The following ZBTB46 variants were observed in gnomAD, a reference collection of about 807,000 sequenced individuals.
ZBTB46 encodes zinc finger and BTB domain-containing protein 46.
ZBTB46 carries 8 observed loss-of-function variants against 44.1 expected under a neutral mutation model. The ratio of observed to expected loss-of-function variants is 0.18; its 90% CI spans 0.11 to 0.33. ZBTB46 has a LOEUF of 0.33. Ranked by LOEUF, ZBTB46 falls within the 10% of genes least tolerant of loss-of-function variation. ZBTB46 has a pLI of 1.00. For synonymous variants in ZBTB46, 409 were observed against 382.3 expected (o/e 1.07, Z -0.81); for missense variants, 651 against 847.7 (o/e 0.77, Z 2.88).
At chr20:63,833,562 G>T (rs1481657936), upstream of ZBTB46, among the ~76,000 whole-genome samples, 3 of 152,172 alleles carry the variant, frequency 2.0e-5, no homozygotes, top group African/African-American at 7.2e-5. Flanking sequence ...CTGCACTCCA[G>T]CCTGGGCGAC....
At chr20:63,833,370 T>C (rs920300610), upstream of ZBTB46, among the ~76,000 whole-genome samples, 7 of 152,134 alleles carry the variant, frequency 4.6e-5, no homozygotes, top group Non-Finnish European at 8.8e-5. Context: ...GGCAGGCGGA[T>C]CACGAGGTCA....
At chr20:63,779,837 A>C (rs1165577072) in intron 2 of ZBTB46, among the ~76,000 whole-genome samples, 1 of 152,024 alleles carries the variant, frequency 6.6e-6, no homozygotes, top group Non-Finnish European at 1.5e-5. Flanking sequence ...TGGGATTACA[A>C]GCATGAGCCA....
At chr20:63,776,042 G>T in intron 2 of ZBTB46, 80 bp from the exon 3 acceptor site, 1 of 1,460,588 alleles carries the variant, frequency 6.8e-7, no homozygotes. Context: ...CATTTAGAAG[G>T]ACAGCGACCA....
At chr20:63,753,831 G>T (rs1472405786) in intron 3 of ZBTB46, among the ~76,000 whole-genome samples, 2 of 152,258 alleles carry the variant, frequency 1.3e-5, no homozygotes, top group African/African-American at 4.8e-5. Context: ...ACGTTTCTGT[G>T]TTTTCACCCT....
intron 3 of ZBTB46, among the ~76,000 whole-genome samples, chr20:63,757,139 A>G (rs2092227892): frequency 6.6e-6 from 1 of 152,024 alleles, no homozygotes; most frequent in Admixed American, 6.6e-5. Context: ...ATTTTTGGGG[A>G]GGGGAACAGA....
At chr20:63,812,784 AAAAAC>A (rs1204856235) in intron 1 of ZBTB46, among the ~76,000 whole-genome samples, 46 of 152,016 alleles carry the variant, frequency 3.0e-4, no homozygotes, top group African/African-American at 8.2e-4. Flanking sequence ...TCTCAAAACA[AAAAAC>A]AAAACAAAAC....
chr20:63,758,437 C>A (rs1257387907), intron 3 of ZBTB46, among the ~76,000 whole-genome samples: 1 of 152,048 alleles, frequency 6.6e-6, no homozygotes, highest in Non-Finnish European at 1.5e-5. Context: ...TCCTGACTGA[C>A]CCTGGTGCTT....
chr20:63,804,923 CTTT>C (rs796503047), intron 1 of ZBTB46, among the ~76,000 whole-genome samples: 1 of 138,504 alleles, frequency 7.2e-6, no homozygotes, highest in East Asian at 2.2e-4. Flanking sequence ...ACCTACATGA[CTTT>C]TTTTTTTTTT....
intron 1 of ZBTB46, among the ~76,000 whole-genome samples, chr20:63,806,613 C>T (rs536324819): frequency 3.3e-5 from 5 of 151,964 alleles, no homozygotes; most frequent in Admixed American, 3.3e-4. Context: ...ATGATGGAAT[C>T]TTTCTCTTTT....
chr20:63,807,779 G>C (rs1055314687), intron 1 of ZBTB46, among the ~76,000 whole-genome samples: 7 of 152,276 alleles, frequency 4.6e-5, no homozygotes, highest in African/African-American at 1.4e-4. Context: ...GTGTGAGGCA[G>C]CGGGTCTGGC....
chr20:63,792,178 T>C (rs559780805), intron 1 of ZBTB46, among the ~76,000 whole-genome samples: 1 of 152,288 alleles, frequency 6.6e-6, no homozygotes, highest in East Asian at 1.9e-4. Context: ...TAAGGTCACA[T>C]TCTGGGGTCC....
Position 63,787,662 on chromosome 20 carries a change from G to A in ZBTB46, c.937+2159C>T, listed in dbSNP as rs925370749. On this transcript the variant is annotated intron_variant, in intron 2 of 4. Transcript: ENST00000245663. This position sits in a 1 kb window ranked among gnomAD's most constrained non-coding sequence, Gnocchi z 4.6. ...ACGGGCGCTCCATGACGCTCCCAGA[G>A]CAACAGAATCGCCTAGCGATGCGTT... The A allele has an allele frequency of 6.6e-6, 1 of 152,236 alleles. No homozygotes were observed. Among genetic ancestry groups the A allele is most frequent in the African/African-American group, 2.4e-5 (1 of 41,450 alleles). The allele number at this position is 152,236 out of a possible 1,614,324, so 9.4% of individuals were successfully genotyped here. A position where few individuals can be genotyped will look rare whatever the true frequency, so the allele number is the denominator to read the frequency against.
intron 3 of ZBTB46, among the ~76,000 whole-genome samples, chr20:63,774,854 C>A (rs914357260): frequency 6.6e-6 from 1 of 151,932 alleles, no homozygotes; most frequent in South Asian, 2.1e-4. Flanking sequence ...CAGGCGCCCG[C>A]CACCACGCCC....
At chr20:63,815,901 GGTACAGTGGACA>G (rs2092751085) in intron 1 of ZBTB46, among the ~76,000 whole-genome samples, 1 of 150,260 alleles carries the variant, frequency 6.7e-6, no homozygotes, top group African/African-American at 2.5e-5. Context: ...AGTGGGCACA[GGTACAGTGGACA>G]CAGGTGGGCA....
chr20:63,773,984 T>G (rs1387211837), intron 3 of ZBTB46, among the ~76,000 whole-genome samples: 3 of 149,646 alleles, frequency 2.0e-5, no homozygotes, highest in African/African-American at 7.4e-5. Flanking sequence ...ACACTCTGCC[T>G]GCACCGTGTT....
intron 3 of ZBTB46, chr20:63,769,519 G>A (rs1321779361): frequency 2.2e-6 from 2 of 899,258 alleles, no homozygotes; most frequent in Non-Finnish European, 2.7e-6. Flanking sequence ...TCTCGCTGGA[G>A]GCAGGTGTTT....
chr20:63,762,619 A>C (rs1568839030), intron 3 of ZBTB46, among the ~76,000 whole-genome samples: 1 of 151,904 alleles, frequency 6.6e-6, no homozygotes, highest in African/African-American at 2.4e-5. Flanking sequence ...GCGCCACTGC[A>C]CTCCAGCCTG....
chr20:63,779,610 C>T (rs576022099), intron 2 of ZBTB46, among the ~76,000 whole-genome samples: 2 of 152,044 alleles, frequency 1.3e-5, no homozygotes, highest in Admixed American at 6.6e-5. Flanking sequence ...TTAGTAGAGA[C>T]GGGGTTTCAC....
At chr20:63,805,820 A>C (rs2092677762) in intron 1 of ZBTB46, among the ~76,000 whole-genome samples, 1 of 151,038 alleles carries the variant, frequency 6.6e-6, no homozygotes, top group South Asian at 2.1e-4. Flanking sequence ...CAGTGGCACG[A>C]TCTCGGCTCA....
Sources: gnomAD v4.1 joint callset for allele counts (sites outside exome capture counted in the v4.1 genomes callset) on GRCh38, gnomAD v4.1.1 for gene constraint, Gnocchi (gnomAD v3.1) non-coding constraint, MANE v1.5 for transcripts, NCBI Gene and HGNC (gene_info 2026-07-23, HGNC 2026-07-21) for gene names.